The following TYW1 variants were observed in gnomAD, a reference collection of about 807,000 sequenced individuals.
The protein encoded by TYW1 is tRNA-yW synthesizing protein 1 homolog, also known as S-adenosyl-L-methionine-dependent tRNA 4-demethylwyosine synthase TYW1.
A neutral mutation model predicts 96.2 loss-of-function variants in TYW1; 46 were observed. That is an observed-to-expected ratio of 0.48 (90% CI 0.38 to 0.61). The LOEUF is 0.61. TYW1 is among the 20% of genes least tolerant of loss of function. TYW1 has a pLI of 0.00. For missense variants in TYW1, 684 were observed against 909.6 expected (o/e 0.75, Z 3.19); for synonymous variants, 274 against 323.0 (o/e 0.85, Z 1.63).
chr7:67,028,410 G>A (rs1794532130), intron 7 of TYW1, among the ~76,000 whole-genome samples: 1 of 152,172 alleles, frequency 6.6e-6, no homozygotes, highest in Non-Finnish European at 1.5e-5. Context: ...AGCTGGGTGT[G>A]GTGGCGCATG....
intron 15 of TYW1, among the ~76,000 whole-genome samples, chr7:67,225,901 G>A (rs1349215937): frequency 6.6e-6 from 1 of 151,112 alleles, no homozygotes; most frequent in Non-Finnish European, 1.5e-5. Flanking sequence ...AGTAAACTCA[G>A]AAGAAGGTGG....
At chr7:67,185,396 G>A (rs1799987455) in intron 14 of TYW1, among the ~76,000 whole-genome samples, 1 of 151,844 alleles carries the variant, frequency 6.6e-6, no homozygotes, top group Non-Finnish European at 1.5e-5. Context: ...CCAAGCAAGA[G>A]ATGGTTTGGG....
chr7:67,184,498 C>T (rs1799938245), intron 14 of TYW1, among the ~76,000 whole-genome samples: 1 of 151,546 alleles, frequency 6.6e-6, no homozygotes. Flanking sequence ...GGGATAGATT[C>T]CGATGAGTGT....
intron 13 of TYW1, among the ~76,000 whole-genome samples, chr7:67,176,064 ACAGT>A (rs1799663096): frequency 6.6e-6 from 1 of 152,194 alleles, no homozygotes; most frequent in Non-Finnish European, 1.5e-5. Context: ...ATATAGATAC[ACAGT>A]CAGCTTACAA....
At chr7:67,145,933 A>AT (rs971007251) in intron 13 of TYW1, among the ~76,000 whole-genome samples, 5 of 150,508 alleles carry the variant, frequency 3.3e-5, no homozygotes, top group African/African-American at 1.2e-4. Context: ...TTTTTATTTT[A>AT]TTTATTTATT....
At chr7:67,138,725 C>T (rs34800181) in intron 13 of TYW1, among the ~76,000 whole-genome samples, 172 of 152,202 alleles carry the variant, frequency 1.1e-3, no homozygotes, top group African/African-American at 2.9e-3. Context: ...TGAGAACATG[C>T]GATGTTTGCC....
chr7:67,118,784 G>A (rs192363350), intron 13 of TYW1, among the ~76,000 whole-genome samples: 238 of 150,446 alleles, frequency 1.6e-3, no homozygotes, highest in African/African-American at 5.5e-3. Context: ...GGAGGCTAAG[G>A]TGGGAGAATC....
At chr7:67,155,639 G>C (rs538767341) in intron 13 of TYW1, among the ~76,000 whole-genome samples, 3 of 151,912 alleles carry the variant, frequency 2.0e-5, no homozygotes, top group East Asian at 3.9e-4. Flanking sequence ...GCTCACTGCA[G>C]ACTCCACCTC....
intron 13 of TYW1, among the ~76,000 whole-genome samples, chr7:67,125,047 G>T (rs1380447675): frequency 6.6e-6 from 1 of 152,036 alleles, no homozygotes; most frequent in African/African-American, 2.4e-5. Context: ...TGGTCAGGCT[G>T]GTCTCGAACT....
chr7:67,135,376 C>T (rs116293309), intron 13 of TYW1, among the ~76,000 whole-genome samples: 4,710 of 141,206 alleles, frequency 0.033, 222 homozygotes, highest in African/African-American at 0.12. Context: ...ATGATCTTAG[C>T]ATGCTGCAAC....
intron 7 of TYW1, among the ~76,000 whole-genome samples, chr7:67,042,319 C>T (rs2129256992): frequency 6.7e-6 from 1 of 148,840 alleles, no homozygotes; most frequent in South Asian, 2.1e-4. Context: ...ATTCTACCTC[C>T]CTCCCTCTGT....
At chr7:67,230,623 C>A (rs1189289228) in intron 15 of TYW1, among the ~76,000 whole-genome samples, 1 of 151,308 alleles carries the variant, frequency 6.6e-6, no homozygotes, top group Non-Finnish European at 1.5e-5. Context: ...CGCCCCTGCA[C>A]CCCCAACCCA....
chr7:67,007,174 G>A (rs1463153505), intron 3 of TYW1, among the ~76,000 whole-genome samples: 1 of 151,942 alleles, frequency 6.6e-6, no homozygotes, highest in Non-Finnish European at 1.5e-5. Flanking sequence ...TAACTCCACT[G>A]CAGCCTCTGA....
At chr7:67,149,242 TG>T (rs1798713344) in intron 13 of TYW1, among the ~76,000 whole-genome samples, 1 of 152,234 alleles carries the variant, frequency 6.6e-6, no homozygotes, top group Non-Finnish European at 1.5e-5. Flanking sequence ...TTAAAAAGAA[TG>T]ATCAGAAGCT....
At position 67,109,048 on chromosome 7, in the gene TYW1, C is replaced by T. The variant is rs1239991298; in HGVS notation, c.1563-8435C>T. On this transcript the variant is annotated intron_variant, in intron 12 of 15. Transcript: ENST00000359626. ...CAGCACTTTGGGAGGCCGAGGCGGG[C>T]GGATCACGAGGTCAGGAGATCGAGA... 7.3e-5 allele frequency among the ~76,000 whole-genome samples: 11 copies of T among 151,490 alleles called. No homozygotes were observed. The South Asian group carries it at 1.0e-3, about 14-fold the overall frequency.
intron 3 of TYW1, among the ~76,000 whole-genome samples, chr7:67,006,253 C>T (rs1793582759): frequency 6.6e-6 from 1 of 151,984 alleles, no homozygotes; most frequent in South Asian, 2.1e-4. Flanking sequence ...GGCACTGCCT[C>T]CTTCTCTCTC....
At chr7:67,103,285 T>C (rs1174138512) in intron 12 of TYW1, among the ~76,000 whole-genome samples, 1 of 152,194 alleles carries the variant, frequency 6.6e-6, no homozygotes, top group Non-Finnish European at 1.5e-5. Context: ...AACAGAGCAG[T>C]CCTCCTGGCT....
At position 67,076,718 on chromosome 7, in the gene TYW1, C is replaced by G. The variant is rs559514560; in HGVS notation, c.1275-6712C>G. Among the ~76,000 whole-genome samples the G allele has an allele frequency of 3.4e-3, 512 of 151,544 alleles. 4 individuals are homozygous for G. Among genetic ancestry groups the G allele is most frequent in the African/African-American group, 0.011 (470 of 41,314 alleles). On this transcript the variant is annotated intron_variant, in intron 10 of 15. Coordinates refer to ENST00000359626, the MANE Select transcript of TYW1 (RefSeq NM_018264.4). The stretch of plus-strand genomic sequence containing the variant: ...CTTGAACTCCTGACCTCAGGTGATC[C>G]GCCTCCCTTGGCCTTCCAAAGTGCT...
chr7:67,000,200 T>C (rs1185362810), intron 3 of TYW1, among the ~76,000 whole-genome samples: 1 of 152,186 alleles, frequency 6.6e-6, no homozygotes, highest in African/African-American at 2.4e-5. Context: ...CCTCCTAAAG[T>C]GTTGGGATTA....
Sources: gnomAD v4.1 joint callset for allele counts (sites outside exome capture counted in the v4.1 genomes callset) on GRCh38, gnomAD v4.1.1 for gene constraint, MANE v1.5 for transcripts, NCBI Gene and HGNC (gene_info 2026-07-23, HGNC 2026-07-21) for gene names.